ENAH: variants seen among roughly 807,000 people sequenced by gnomAD.
ENAH encodes the protein ENAH actin regulator.
Under a neutral mutation model 78.7 loss-of-function variants are expected in ENAH, and 23 were observed. The observed-to-expected ratio is 0.29, with a 90% CI of 0.21 to 0.41. The LOEUF (loss-of-function observed/expected upper bound fraction) is 0.41. ENAH is among the 10% of genes least tolerant of loss of function. The pLI is 1.00. For synonymous variants in ENAH, 226 were observed against 241.0 expected, an observed-to-expected ratio of 0.94 and a Z score of 0.58; for missense variants, 544 against 691.0, an observed-to-expected ratio of 0.79 and a Z score of 2.39.
At chr1:225,505,001 A>T in intron 11 of ENAH, 1 of 1,611,714 alleles carries the variant, frequency 6.2e-7, no homozygotes, top group Non-Finnish European at 8.5e-7. Flanking sequence ...CTGTGTAATG[A>T]ATCATAGGAC....
In ENAH at chr1:225,498,418, GAAA is replaced by G. The variant is rs754701740; in HGVS notation, c.1618-17_1618-15del. 1.2e-5 allele frequency: 18 copies of G among 1,487,034 alleles called. No individual in the cohort carries two copies. Among genetic ancestry groups the G allele is most frequent in the African/African-American group, 2.8e-5 (2 of 71,074 alleles). 92.1% of individuals were successfully genotyped at this position (1,487,034 alleles called of 1,614,324 possible). A position where few individuals can be genotyped will look rare whatever the true frequency, so the allele number is the denominator to read the frequency against. On this transcript the variant is annotated splice_polypyrimidine_tract_variant and intron_variant, in intron 12 of 13. Coordinates refer to ENST00000366843, the MANE Select transcript of ENAH (RefSeq NM_018212.6). ...ATCTAAAATGTCCTAAAATATTAGAGAAAAATACCAGAAATACAGAACAAAATT... is the reference window on the plus strand; with the variant it reads ...ATCTAAAATGTCCTAAAATATTAGAGAATACCAGAAATACAGAACAAAATT...
chr1:225,619,381 A>G lies in ENAH; in HGVS notation c.5+33305T>C, dbSNP rs1370854003. 2.6e-5 allele frequency among the ~76,000 whole-genome samples: 4 copies of G among 152,066 alleles called. No homozygotes were observed. The East Asian group carries it at 7.7e-4, about 29-fold the overall frequency. On this transcript the variant is annotated intron_variant, in intron 1 of 13. Coordinates refer to ENST00000366843, the MANE Select transcript of ENAH (RefSeq NM_018212.6). Reference sequence around the variant, plus strand: ...AACATGGTAAAACCCTGTTTCTACTAAAAAATACTAAAATTAGCTGGGCAT... The same window carrying G: ...AACATGGTAAAACCCTGTTTCTACTGAAAAATACTAAAATTAGCTGGGCAT...
At chr1:225,497,988 ATATT>A (rs1388650102) in intron 13 of ENAH, among the ~76,000 whole-genome samples, 176 bp from the exon 14 acceptor site, 2 of 152,140 alleles carry the variant, frequency 1.3e-5, no homozygotes, top group Non-Finnish European at 2.9e-5. Context: ...TAATTTCTAT[ATATT>A]TATTTTCTCC....
intron 2 of ENAH, among the ~76,000 whole-genome samples, chr1:225,565,384 A>G (rs115783445): frequency 0.044 from 6,648 of 152,158 alleles, 228 homozygotes; most frequent in South Asian, 0.11. Context: ...GCAGTGAGCC[A>G]CAATCACGCC....
At chr1:225,653,365 G>A (rs1454679430), upstream of ENAH, among the ~76,000 whole-genome samples, 2 of 151,692 alleles carry the variant, frequency 1.3e-5, no homozygotes, top group Non-Finnish European at 2.9e-5. The surrounding 1 kb of genome is among the most constrained non-coding windows in gnomAD (Gnocchi z 4.3). Flanking sequence ...GCTCTTTGTT[G>A]CCTCCCTACC....
At chr1:225,523,929 T>C (rs1172345291) in intron 4 of ENAH, among the ~76,000 whole-genome samples, 1 of 152,208 alleles carries the variant, frequency 6.6e-6, no homozygotes, top group Non-Finnish European at 1.5e-5. Flanking sequence ...TCTGAGGACT[T>C]TTTTCAAAGA....
intron 1 of ENAH, among the ~76,000 whole-genome samples, chr1:225,604,602 G>A (rs1478152591): frequency 6.7e-6 from 1 of 148,884 alleles, no homozygotes; most frequent in African/African-American, 2.5e-5. Context: ...TGGCCAACAT[G>A]GTAAAACCCC....
intron 2 of ENAH, among the ~76,000 whole-genome samples, chr1:225,557,865 A>G: frequency 6.6e-6 from 1 of 152,158 alleles, no homozygotes; most frequent in South Asian, 2.1e-4. Flanking sequence ...TTTTCATGTA[A>G]TAATTTTATT....
At chr1:225,590,130 C>T (rs945145549) in intron 1 of ENAH, among the ~76,000 whole-genome samples, 3 of 141,712 alleles carry the variant, frequency 2.1e-5, no homozygotes, top group Non-Finnish European at 4.6e-5. Context: ...CACACACACA[C>T]AGCACCAAGG....
chr1:225,653,439 C>T (rs903894673), upstream of ENAH, among the ~76,000 whole-genome samples: 2 of 150,786 alleles, frequency 1.3e-5, no homozygotes, highest in African/African-American at 4.9e-5. This position sits in a 1 kb window ranked among gnomAD's most constrained non-coding sequence, Gnocchi z 4.3. Flanking sequence ...CCAACACCTC[C>T]GGCCAGTTGT....
At chr1:225,643,852 G>C (rs1029069403) in intron 1 of ENAH, among the ~76,000 whole-genome samples, 1 of 152,158 alleles carries the variant, frequency 6.6e-6, no homozygotes, top group East Asian at 1.9e-4. Flanking sequence ...TGGGAGGATC[G>C]CTTGAGCCCA....
intron 3 of ENAH, among the ~76,000 whole-genome samples, chr1:225,535,872 A>G (rs573217859): frequency 6.6e-6 from 1 of 152,240 alleles, no homozygotes; most frequent in South Asian, 2.1e-4. Flanking sequence ...TTTTAGGGTT[A>G]TATATTTTTA....
At chr1:225,515,113 G>C (rs552167387) in intron 6 of ENAH, 2 of 540,604 alleles carry the variant, frequency 3.7e-6, no homozygotes, top group Non-Finnish European at 6.5e-6. Flanking sequence ...CTTTAGGTTA[G>C]AGCTTTAGTA....
chr1:225,591,461 T>A, intron 1 of ENAH, among the ~76,000 whole-genome samples: 1 of 125,116 alleles, frequency 8.0e-6, no homozygotes. Flanking sequence ...AGAGCGAAAC[T>A]ACGTTTAAAA....
chr1:225,596,207 G>C (rs1036955334), intron 1 of ENAH, among the ~76,000 whole-genome samples: 1 of 152,132 alleles, frequency 6.6e-6, no homozygotes, highest in Non-Finnish European at 1.5e-5. Context: ...GAGACAGACA[G>C]CTATGTCTAA....
In ENAH at chr1:225,621,315, C is replaced by T. The variant is rs1243983957; in HGVS notation, c.5+31371G>A. Among the ~76,000 whole-genome samples, 7 of 137,642 alleles carry T rather than the reference C, an allele frequency of 5.1e-5. No individual in the cohort carries two copies. In the East Asian group the frequency reaches 6.2e-4, roughly 12 times the overall value. 90.3% of individuals were successfully genotyped at this position (137,642 alleles called of 152,430 possible). ...ATCTCTCTTTTTTTTTTTTTTGAGA[C>T]GCAGTCTCGCTCTGTCGCCCAGGCT... On this transcript the variant is annotated intron_variant, in intron 1 of 13. Coordinates refer to ENST00000366843, the MANE Select transcript of ENAH (RefSeq NM_018212.6).
intron 13 of ENAH, 58 bp from the exon 14 acceptor site, chr1:225,497,870 G>C: frequency 6.8e-7 from 1 of 1,479,616 alleles, no homozygotes; most frequent in Admixed American, 1.7e-5. Flanking sequence ...AGATAAATGA[G>C]TGATTCATTC....
chr1:225,597,407 C>T (rs556277817), intron 1 of ENAH, among the ~76,000 whole-genome samples: 2 of 152,264 alleles, frequency 1.3e-5, no homozygotes, highest in South Asian at 4.1e-4. Context: ...CACCTATAAT[C>T]TCAACACCTT....
At chr1:225,603,652 T>TCC in intron 1 of ENAH, among the ~76,000 whole-genome samples, 1 of 152,322 alleles carries the variant, frequency 6.6e-6, no homozygotes, top group Admixed American at 6.5e-5. Flanking sequence ...ATGCTCTGGC[T>TCC]ACCCAAGTGC....
Sources: allele counts gnomAD v4.1 joint callset (sites outside exome capture counted in the v4.1 genomes callset), GRCh38; gene constraint gnomAD v4.1.1; non-coding constraint Gnocchi (gnomAD v3.1); transcripts MANE v1.5; gene names NCBI Gene and HGNC (gene_info 2026-07-23, HGNC 2026-07-21).